CCDC148: variants seen among roughly 807,000 people sequenced by gnomAD.
The protein encoded by CCDC148 is coiled-coil domain-containing protein 148.
Under a neutral mutation model 85.7 loss-of-function variants are expected in CCDC148, and 89 were observed. That is an observed-to-expected ratio of 1.04 (90% CI 0.87 to 1.24). The LOEUF is 1.24. CCDC148 is among the 50% of genes most tolerant of loss of function. The pLI is 0.00. For missense variants in CCDC148, 692 were observed against 671.7 expected, an observed-to-expected ratio of 1.03 and a Z score of -0.33; for synonymous variants, 230 against 213.9, an observed-to-expected ratio of 1.08 and a Z score of -0.66.
chr2:158,429,734 ACC>A (rs1687253034), intron 1 of CCDC148, among the ~76,000 whole-genome samples: 1 of 152,198 alleles, frequency 6.6e-6, no homozygotes, highest in Admixed American at 6.5e-5. Context: ...TTCCACTGTA[ACC>A]AACTAGAAAA....
Position 158,430,492 on chromosome 2 carries a change from G to A in CCDC148, c.25+25923C>T, listed in dbSNP as rs537815109. 3.9e-5 allele frequency among the ~76,000 whole-genome samples: 6 copies of A among 152,190 alleles called. No homozygotes were observed. In the South Asian group the frequency reaches 1.2e-3, roughly 32 times the overall value. On this transcript the variant is annotated intron_variant, in intron 1 of 13. Transcript: ENST00000283233. ...TGATCAATGAACAAAATAAAAATCC[G>A]TAAATAGTGATGGGTACAAATATAC...
At chr2:158,179,441 A>G (rs2105261859) in intron 11 of CCDC148, among the ~76,000 whole-genome samples, 1 of 152,096 alleles carries the variant, frequency 6.6e-6, no homozygotes, top group Admixed American at 6.6e-5. Context: ...ACAGGAATTC[A>G]TAGTAATTCT....
At chr2:158,299,549 G>C (rs1313178890) in intron 9 of CCDC148, among the ~76,000 whole-genome samples, 1 of 152,122 alleles carries the variant, frequency 6.6e-6, no homozygotes, top group Non-Finnish European at 1.5e-5. Context: ...TGAATAAGAG[G>C]CTCACTTTTA....
intron 9 of CCDC148, among the ~76,000 whole-genome samples, chr2:158,294,362 A>G (rs1011238079): frequency 2.6e-5 from 4 of 152,142 alleles, no homozygotes; most frequent in Non-Finnish European, 5.9e-5. Context: ...CAGTTTTAGC[A>G]GTTATAAATA....
intron 11 of CCDC148, among the ~76,000 whole-genome samples, chr2:158,216,353 A>C (rs1574418759): frequency 6.6e-6 from 1 of 151,530 alleles, no homozygotes; most frequent in East Asian, 1.9e-4. Context: ...GTACTGTAAA[A>C]AATCTTTAAG....
intron 2 of CCDC148, among the ~76,000 whole-genome samples, chr2:158,348,516 CAG>C (rs1449577735): frequency 6.6e-6 from 1 of 151,336 alleles, no homozygotes; most frequent in Non-Finnish European, 1.5e-5. Flanking sequence ...TTGAGACAAT[CAG>C]GGAAATTTAA....
chr2:158,384,999 C>A (rs13415945), intron 1 of CCDC148, among the ~76,000 whole-genome samples: 8,769 of 152,176 alleles, frequency 0.058, 481 homozygotes, highest in African/African-American at 0.15. Flanking sequence ...TTACTTGCAG[C>A]TATTGGACTG....
intron 1 of CCDC148, among the ~76,000 whole-genome samples, chr2:158,439,591 G>A (rs190268520): frequency 2.0e-5 from 3 of 151,998 alleles, no homozygotes; most frequent in East Asian, 1.9e-4. Flanking sequence ...AAACCTGTAC[G>A]TTGTGCACAT....
intron 9 of CCDC148, among the ~76,000 whole-genome samples, chr2:158,278,497 C>A (rs893373814): frequency 3.9e-5 from 6 of 152,204 alleles, no homozygotes; most frequent in African/African-American, 1.4e-4. Flanking sequence ...CTGGGAGGGT[C>A]CTTCACCCAT....
At chr2:158,342,176 C>T (rs11895312) in intron 3 of CCDC148, among the ~76,000 whole-genome samples, 18,036 of 151,114 alleles carry the variant, frequency 0.12, 1,648 homozygotes, top group African/African-American at 0.26. Flanking sequence ...ACTACAGGTG[C>T]GCGCCACCAT....
chr2:158,372,403 T>G (rs1207190181), intron 1 of CCDC148, among the ~76,000 whole-genome samples: 1 of 152,004 alleles, frequency 6.6e-6, no homozygotes, highest in Non-Finnish European at 1.5e-5. Flanking sequence ...ATTTTTCCCC[T>G]TGAATGTGGG....
intron 1 of CCDC148, among the ~76,000 whole-genome samples, chr2:158,406,570 G>C (rs939130975): frequency 6.8e-6 from 1 of 147,522 alleles, no homozygotes; most frequent in African/African-American, 2.5e-5. Flanking sequence ...TAATTTTAAA[G>C]TGCACACTCT....
At chr2:158,264,725 C>T (rs980604500) in intron 9 of CCDC148, among the ~76,000 whole-genome samples, 1 of 151,988 alleles carries the variant, frequency 6.6e-6, no homozygotes, top group African/African-American at 2.4e-5. Context: ...TGAGTACTCA[C>T]AAGACGATAA....
intron 10 of CCDC148, chr2:158,236,313 C>T (rs1010203087): frequency 6.6e-6 from 1 of 152,096 alleles, no homozygotes; most frequent in Admixed American, 6.6e-5. Context: ...TGGGTAAACA[C>T]ATTAGTTATC....
chr2:158,370,647 G>A (rs1256623974), intron 1 of CCDC148, among the ~76,000 whole-genome samples: 1 of 151,860 alleles, frequency 6.6e-6, no homozygotes, highest in African/African-American at 2.4e-5. Flanking sequence ...ATTATGGACT[G>A]TAGTTTGTGT....
rs1684601063 is a variant in CCDC148, at chr2:158,176,616, T to C, written c.1534A>G (p.Thr512Ala). The C allele has an allele frequency of 6.2e-7, 1 of 1,612,172 alleles. No individual in the cohort carries two copies. Among genetic ancestry groups the C allele is most frequent in the Non-Finnish European group, 8.5e-7 (1 of 1,178,892 alleles). ...CCCATTCTAGCTTTTGATGCCATTG[T>C]ATCTGACATCATTCTAACAGGATCA... The part of the protein sequence containing the change: ...QFDPVRMMSD[T>A]MASKARMGIE... The change falls in exon 13 of 14, where the codon ACA (threonine) becomes GCA (alanine). Residue 512 changes from threonine (T) to alanine (A), a missense_variant. Coordinates refer to ENST00000283233, the MANE Select transcript of CCDC148 (RefSeq NM_138803.4).
At chr2:158,197,654 G>A (rs1685744107) in intron 11 of CCDC148, among the ~76,000 whole-genome samples, 1 of 152,100 alleles carries the variant, frequency 6.6e-6, no homozygotes, top group Non-Finnish European at 1.5e-5. Context: ...TGAGGTCCTT[G>A]TGTTTGTCTA....
chr2:158,437,172 C>CA (rs1687698145), intron 1 of CCDC148, among the ~76,000 whole-genome samples: 1 of 151,890 alleles, frequency 6.6e-6, no homozygotes, highest in South Asian at 2.1e-4. Context: ...GAGACACAAC[C>CA]AAAAAAGAGA....
intron 11 of CCDC148, among the ~76,000 whole-genome samples, chr2:158,182,667 T>C (rs1022041073): frequency 6.6e-6 from 1 of 152,234 alleles, no homozygotes; most frequent in Middle Eastern, 3.4e-3. Flanking sequence ...GCCTGAAGGA[T>C]TGGCCATGAA....
Sources: gnomAD v4.1 joint callset for allele counts (sites outside exome capture counted in the v4.1 genomes callset) on GRCh38, gnomAD v4.1.1 for gene constraint, MANE v1.5 for transcripts, NCBI Gene and HGNC (gene_info 2026-07-23, HGNC 2026-07-21) for gene names.